BCR: variants seen among roughly 807,000 people sequenced by gnomAD.
BCR encodes BCR activator of RhoGEF and GTPase, also known as breakpoint cluster region protein.
Under a neutral mutation model 138.6 loss-of-function variants are expected in BCR, and 58 were observed. That is an observed-to-expected ratio of 0.42 (90% confidence interval 0.34 to 0.52). The LOEUF (loss-of-function observed/expected upper bound fraction) is 0.52, where lower values mean the gene tolerates loss of function less well. Ranked by LOEUF, BCR falls within the 20% of genes least tolerant of loss-of-function variation. The pLI is 0.06. For synonymous variants in BCR, 786 were observed against 730.1 expected, an observed-to-expected ratio of 1.08 and a Z score of -1.23; for missense variants, 1,599 against 1,727.2, an observed-to-expected ratio of 0.93 and a Z score of 1.32.
At chr22:23,250,435 T>C (rs1012746098) in intron 1 of BCR, among the ~76,000 whole-genome samples, 2 of 152,234 alleles carry the variant, frequency 1.3e-5, no homozygotes, top group African/African-American at 4.8e-5. Flanking sequence ...TTAGTCTCTT[T>C]CTCTAGTGAT....
chr22:23,286,726 C>T (rs2073718651), intron 10 of BCR, among the ~76,000 whole-genome samples: 1 of 152,162 alleles, frequency 6.6e-6, no homozygotes, highest in Non-Finnish European at 1.5e-5. Context: ...GTCGTCTGGT[C>T]TTCTGCTGGC....
At chr22:23,314,339 C>T (rs537631240) in intron 21 of BCR, among the ~76,000 whole-genome samples, 14 of 152,310 alleles carry the variant, frequency 9.2e-5, no homozygotes, top group African/African-American at 2.4e-4. Context: ...CTCTTCCCTC[C>T]GAGTCACATC....
chr22:23,213,454 C>G (rs530055628), intron 1 of BCR, among the ~76,000 whole-genome samples: 1 of 152,346 alleles, frequency 6.6e-6, no homozygotes, highest in South Asian at 2.1e-4. Flanking sequence ...AGGTCCCAGC[C>G]TGTGCACTGA....
intron 1 of BCR, among the ~76,000 whole-genome samples, chr22:23,245,042 G>A (rs2073140637): frequency 6.6e-6 from 1 of 152,186 alleles, no homozygotes; most frequent in African/African-American, 2.4e-5. Flanking sequence ...CTCGGCTTGT[G>A]GAGGAAAACG....
chr22:23,292,427 C>CTT, intron 14 of BCR, 114 bp from the exon 15 acceptor site: 5 of 796,112 alleles, frequency 6.3e-6, no homozygotes, highest in East Asian at 2.9e-5. Flanking sequence ...AAGTTACAAC[C>CTT]TTTTTTTTTT....
Position 23,314,011 on chromosome 22 carries a change from G to A in BCR, c.3501G>A (p.Leu1167=), listed in dbSNP as rs750306847. Residue 1167 remains leucine, a synonymous_variant, in exon 21 of 23, where the codon CTG becomes CTA. Transcript: ENST00000305877. Reference sequence around the variant, plus strand: ...CAAAGGAGAGCTGCATGCTCAACCTGCTGCTGTCCCTGCCGGAGGCCAACC... The same window carrying A: ...CAAAGGAGAGCTGCATGCTCAACCTACTGCTGTCCCTGCCGGAGGCCAACC... ...PVAKESCMLN[L]LLSLPEANLL... is the part of the protein sequence containing the mutation. 5 of 1,613,894 alleles carry A rather than the reference G, an allele frequency of 3.1e-6. No individual in the cohort carries two copies. Among genetic ancestry groups the A allele is most frequent in the Non-Finnish European group, 4.2e-6 (5 of 1,180,034 alleles).
In BCR at chr22:23,181,287, C is replaced by T; in HGVS notation, c.327C>T (p.Pro109=). 1 of 1,305,684 alleles carries T rather than the reference C, an allele frequency of 7.7e-7. No individual in the cohort carries two copies. The highest frequency in any genetic ancestry group is 9.8e-7 in the Non-Finnish European group (1 of 1,022,154). The allele number at this position is 1,305,684 out of a possible 1,614,324, so 80.9% of individuals were successfully genotyped here. ...CCGCCGACGGAGCCGACCCGCCGCC[C>T]GCCGAGGAGCCCGAGGCCCGGCCCG... ...PAPADGADPP[P]AEEPEARPDG... The change falls in exon 1 of 23, where the codon CCC becomes CCT. Residue 109 remains proline (P), a synonymous_variant. Coordinates refer to ENST00000305877, the MANE Select transcript of BCR (RefSeq NM_004327.4).
intron 1 of BCR, among the ~76,000 whole-genome samples, chr22:23,206,911 A>C (rs2072621633): frequency 7.0e-6 from 1 of 142,664 alleles, no homozygotes; most frequent in Non-Finnish European, 1.5e-5. Flanking sequence ...CATCCAACTA[A>C]ATCTATTCAT....
chr22:23,187,499 CT>C (rs1555959911), intron 1 of BCR, among the ~76,000 whole-genome samples: 254 of 140,570 alleles, frequency 1.8e-3, no homozygotes, highest in Non-Finnish European at 1.6e-3. Flanking sequence ...CTCTCTCTCT[CT>C]TTTTTTTTTT....
chr22:23,218,059 C>T (rs1433238828), intron 1 of BCR, among the ~76,000 whole-genome samples: 1 of 152,228 alleles, frequency 6.6e-6, no homozygotes, highest in East Asian at 1.9e-4. Flanking sequence ...CTACTCTGAC[C>T]AGAGGAATCC....
intron 16 of BCR, among the ~76,000 whole-genome samples, chr22:23,300,043 C>G (rs2073887685): frequency 6.6e-6 from 1 of 152,144 alleles, no homozygotes; most frequent in South Asian, 2.1e-4. Flanking sequence ...GTAAAATGTC[C>G]CAGGTGTTTT....
At chr22:23,239,499 C>G (rs1321730235) in intron 1 of BCR, among the ~76,000 whole-genome samples, 1 of 152,090 alleles carries the variant, frequency 6.6e-6, no homozygotes, top group East Asian at 1.9e-4. Flanking sequence ...TCTGCTCTTC[C>G]CCTCTGTCTG....
intron 7 of BCR, 108 bp downstream of exon 7, chr22:23,273,241 G>A (rs751837791): frequency 1.6e-6 from 2 of 1,259,848 alleles, no homozygotes; most frequent in East Asian, 2.5e-5. Context: ...AGCCAAGGGG[G>A]TGCTACTGGC....
intron 1 of BCR, among the ~76,000 whole-genome samples, chr22:23,234,620 G>A (rs897851049): frequency 6.6e-6 from 1 of 152,184 alleles, no homozygotes; most frequent in South Asian, 2.1e-4. Flanking sequence ...CAGAATGGTG[G>A]GCTGTGAAGA....
At chr22:23,279,189 C>T (rs1433795518) in intron 8 of BCR, among the ~76,000 whole-genome samples, 1 of 152,316 alleles carries the variant, frequency 6.6e-6, no homozygotes, top group South Asian at 2.1e-4. Flanking sequence ...GGCTGTCAGC[C>T]AGCATTGTTC....
intron 1 of BCR, among the ~76,000 whole-genome samples, chr22:23,224,175 C>T (rs2072862216): frequency 6.6e-6 from 1 of 152,220 alleles, no homozygotes; most frequent in African/African-American, 2.4e-5. Context: ...TCCTGGGCCA[C>T]CTCTCTGATC....
chr22:23,190,367 C>G (rs1486915105), intron 1 of BCR, among the ~76,000 whole-genome samples: 1 of 152,056 alleles, frequency 6.6e-6, no homozygotes, highest in Non-Finnish European at 1.5e-5. Flanking sequence ...GGGGTTTCAC[C>G]ATGTTAGCCA....
At chr22:23,231,429 C>T (rs1602042149) in intron 1 of BCR, among the ~76,000 whole-genome samples, 1 of 151,880 alleles carries the variant, frequency 6.6e-6, no homozygotes, top group East Asian at 1.9e-4. Context: ...TTGCTTGAGC[C>T]CCAGGAGTTT....
intron 16 of BCR, among the ~76,000 whole-genome samples, chr22:23,307,306 A>G (rs1438521430): frequency 1.3e-5 from 2 of 151,926 alleles, no homozygotes; most frequent in Non-Finnish European, 1.5e-5. Flanking sequence ...GTCTCACTAT[A>G]TTGCCCAGGC....
Sources: allele counts gnomAD v4.1 joint callset (sites outside exome capture counted in the v4.1 genomes callset), GRCh38; gene constraint gnomAD v4.1.1; transcripts MANE v1.5; gene names NCBI Gene and HGNC (gene_info 2026-07-23, HGNC 2026-07-21).